Variants in NELL2 observed in about 807,000 individuals in gnomAD.
NELL2 encodes the protein neural EGFL like 2.
A neutral mutation model predicts 109.6 loss-of-function variants in NELL2; 41 were observed. That is an observed-to-expected ratio of 0.37 (90% confidence interval 0.29 to 0.49). The LOEUF (loss-of-function observed/expected upper bound fraction) is 0.49. Among genes scored for constraint, NELL2 ranks in the 20% least tolerant of loss-of-function variants. NELL2 has a pLI of 0.98. For synonymous variants in NELL2, 355 were observed against 344.7 expected (o/e 1.03, Z -0.33); for missense variants, 900 against 1,008.3 (o/e 0.89, Z 1.45).
chr12:44,755,180 C>G (rs1400248261), intron 9 of NELL2, among the ~76,000 whole-genome samples: 1 of 151,834 alleles, frequency 6.6e-6, no homozygotes, highest in Non-Finnish European at 1.5e-5. Context: ...AGCAAGAACA[C>G]CACATGCCCC....
intron 1 of NELL2, among the ~76,000 whole-genome samples, chr12:44,908,322 A>G (rs1945742642): frequency 6.6e-6 from 1 of 152,100 alleles, no homozygotes; most frequent in Non-Finnish European, 1.5e-5. Flanking sequence ...GTGATTAATC[A>G]TGAACTTTAA....
At chr12:44,824,183 T>G (rs574297303) in intron 2 of NELL2, among the ~76,000 whole-genome samples, 1 of 152,364 alleles carries the variant, frequency 6.6e-6, no homozygotes, top group South Asian at 2.1e-4. Context: ...TTGGCAGATG[T>G]ACTGTTTACA....
At chr12:44,692,428 G>T (rs625691) in intron 12 of NELL2, among the ~76,000 whole-genome samples, 43,737 of 152,008 alleles carry the variant, frequency 0.29, 6,526 homozygotes, top group East Asian at 0.49. Context: ...CGCACTAGGA[G>T]ATTAATGTTT....
intron 9 of NELL2, among the ~76,000 whole-genome samples, chr12:44,773,223 C>A (rs1269388641): frequency 1.3e-5 from 2 of 152,146 alleles, no homozygotes; most frequent in Admixed American, 1.3e-4. Flanking sequence ...CGCCTGTAAT[C>A]CCAGCACTTT....
At chr12:44,766,651 T>C (rs899388539) in intron 9 of NELL2, among the ~76,000 whole-genome samples, 2 of 152,242 alleles carry the variant, frequency 1.3e-5, no homozygotes, top group Non-Finnish European at 2.9e-5. Context: ...GAATGATACC[T>C]AGATTATCAC....
intron 1 of NELL2, among the ~76,000 whole-genome samples, chr12:44,909,768 C>CAT (rs752034536): frequency 3.9e-4 from 57 of 147,012 alleles, no homozygotes; most frequent in Non-Finnish European, 7.3e-4. Flanking sequence ...CACACACACA[C>CAT]ATATATATAC....
chr12:44,536,510 GA>G (rs914498720), intron 15 of NELL2, among the ~76,000 whole-genome samples: 5 of 151,682 alleles, frequency 3.3e-5, no homozygotes, highest in East Asian at 1.9e-4. Context: ...CAGACCTGGG[GA>G]AAAAAATGTT....
At chr12:44,778,990 G>A (rs1405520192) in intron 5 of NELL2, among the ~76,000 whole-genome samples, 4 of 152,154 alleles carry the variant, frequency 2.6e-5, no homozygotes, top group Non-Finnish European at 5.9e-5. Flanking sequence ...CATTCATCGA[G>A]CCACTTCCAT....
At chr12:44,534,160 T>C (rs1054418449) in intron 15 of NELL2, among the ~76,000 whole-genome samples, 2 of 152,036 alleles carry the variant, frequency 1.3e-5, no homozygotes, top group Non-Finnish European at 2.9e-5. Context: ...ATGTCCTCTT[T>C]TCAGAAGTTC....
At chr12:44,567,894 G>C (rs1243947520) in intron 15 of NELL2, among the ~76,000 whole-genome samples, 1 of 152,124 alleles carries the variant, frequency 6.6e-6, no homozygotes, top group East Asian at 1.9e-4. Context: ...GATAAGGAAA[G>C]TGGGGAATGT....
At chr12:44,863,071 C>T (rs1465525529) in intron 2 of NELL2, among the ~76,000 whole-genome samples, 1 of 152,088 alleles carries the variant, frequency 6.6e-6, no homozygotes, top group Non-Finnish European at 1.5e-5. Flanking sequence ...TTAAGTATTT[C>T]TCCTAATGCT....
At chr12:44,829,811 T>C (rs73279120) in intron 2 of NELL2, among the ~76,000 whole-genome samples, 3,494 of 152,248 alleles carry the variant, frequency 0.023, 74 homozygotes, top group East Asian at 0.049. Flanking sequence ...TAAACACACA[T>C]ATACTTAGCG....
intron 9 of NELL2, among the ~76,000 whole-genome samples, chr12:44,743,639 A>C (rs989860024): frequency 6.6e-6 from 1 of 152,116 alleles, no homozygotes; most frequent in African/African-American, 2.4e-5. Context: ...AAAAAGGCAG[A>C]GGTTGCAATC....
upstream of NELL2, among the ~76,000 whole-genome samples, chr12:44,879,286 A>G (rs1045020131): frequency 2.0e-5 from 3 of 152,214 alleles, no homozygotes; most frequent in African/African-American, 7.2e-5. Context: ...AGACTTCTGA[A>G]CAACCATCCG....
rs562967190 is a variant in NELL2, at chr12:44,765,639, A to G, written c.994+9108T>C. On this transcript the variant is annotated intron_variant, in intron 9 of 19. Coordinates refer to ENST00000429094, the MANE Select transcript of NELL2 (RefSeq NM_001145108.2). ...TTGCAGCAGATATTCTGACAAATAGATATGTTACCAGCTTAACATTCCTAA... is the reference window on the plus strand; with the variant it reads ...TTGCAGCAGATATTCTGACAAATAGGTATGTTACCAGCTTAACATTCCTAA... Among the ~76,000 whole-genome samples, 3 of 152,228 alleles carry G rather than the reference A, an allele frequency of 2.0e-5. No individual in the cohort carries two copies. The East Asian group carries it at 5.8e-4, about 29-fold the overall frequency.
intron 9 of NELL2, among the ~76,000 whole-genome samples, chr12:44,756,344 A>C (rs1295522189): frequency 6.6e-6 from 1 of 151,804 alleles, no homozygotes; most frequent in Non-Finnish European, 1.5e-5. Flanking sequence ...TCTCTCTCAA[A>C]TGCTAGTGAA....
intron 1 of NELL2, among the ~76,000 whole-genome samples, chr12:44,889,366 T>C (rs17095198): frequency 0.021 from 3,131 of 152,072 alleles, 110 homozygotes; most frequent in East Asian, 0.18. Context: ...GCATTAGTCT[T>C]CAAGAGCCAT....
chr12:44,609,879 G>A (rs953000486), intron 14 of NELL2, among the ~76,000 whole-genome samples: 6 of 151,892 alleles, frequency 4.0e-5, no homozygotes, highest in African/African-American at 9.7e-5. Context: ...TAAAGGACAC[G>A]GTATATTTGA....
At chr12:44,571,902 T>C (rs1286881322) in intron 15 of NELL2, among the ~76,000 whole-genome samples, 2 of 152,128 alleles carry the variant, frequency 1.3e-5, no homozygotes, top group African/African-American at 4.8e-5. Context: ...AAGAATTTTA[T>C]ACTCAGGGTA....
Sources: allele counts gnomAD v4.1 joint callset (sites outside exome capture counted in the v4.1 genomes callset), GRCh38; gene constraint gnomAD v4.1.1; transcripts MANE v1.5; gene names NCBI Gene and HGNC (gene_info 2026-07-23, HGNC 2026-07-21).